Variants in INVS observed in about 807,000 individuals in gnomAD.
The protein encoded by INVS is inversin, also known as inversion of embryo turning homolog.
Under a neutral mutation model 108.8 loss-of-function variants are expected in INVS, and 86 were observed. The observed-to-expected ratio is 0.79, with a 90% CI of 0.66 to 0.95. The LOEUF is 0.95. Among genes scored for constraint, INVS ranks in the 40% least tolerant of loss-of-function variants. The pLI, the probability that INVS is intolerant of heterozygous loss-of-function variation, is 0.00. For missense variants in INVS, 1,169 were observed against 1,297.4 expected (o/e 0.90, Z 1.52); for synonymous variants, 455 against 473.5 (o/e 0.96, Z 0.51).
chr9:100,130,346 G>T (rs546741570), intron 3 of INVS: 2 of 152,124 alleles, frequency 1.3e-5, no homozygotes, highest in East Asian at 3.9e-4. Flanking sequence ...TATTTTAGGG[G>T]GACTAATATG....
chr9:100,207,752 G>T (rs1328556764), intron 3 of INVS, among the ~76,000 whole-genome samples: 1 of 152,116 alleles, frequency 6.6e-6, no homozygotes, highest in African/African-American at 2.4e-5. Context: ...TAGGCTTAGG[G>T]TAATAAAATT....
chr9:100,195,885 G>T (rs1176102840), intron 3 of INVS, among the ~76,000 whole-genome samples: 3 of 152,158 alleles, frequency 2.0e-5, no homozygotes, highest in African/African-American at 7.2e-5. Flanking sequence ...ATACATTAAG[G>T]ATTTTTGCAA....
chr9:100,106,306 T>C (rs1827178676), intron 2 of INVS, among the ~76,000 whole-genome samples: 1 of 152,206 alleles, frequency 6.6e-6, no homozygotes, highest in Admixed American at 6.5e-5. Context: ...CCTCCTGTCT[T>C]CTCAGGGACA....
chr9:100,161,603 G>A (rs992076070), intron 3 of INVS, among the ~76,000 whole-genome samples: 11 of 152,032 alleles, frequency 7.2e-5, no homozygotes, highest in Non-Finnish European at 1.3e-4. Context: ...ATGCTGTTGA[G>A]TGGCTGGCCA....
At chr9:100,293,100 T>C in intron 14 of INVS, 57 bp downstream of exon 14, 2 of 1,489,482 alleles carry the variant, frequency 1.3e-6, no homozygotes, top group East Asian at 2.3e-5. Context: ...ATTCTCAACA[T>C]GACATCTGTG....
intron 5 of INVS, among the ~76,000 whole-genome samples, chr9:100,231,934 C>T (rs1428671326): frequency 6.6e-6 from 1 of 152,220 alleles, no homozygotes; most frequent in Non-Finnish European, 1.5e-5. Context: ...ACCGCACTGT[C>T]TTCCACAATG....
Position 100,274,427 on chromosome 9 carries a change from G to A in INVS, c.1784+1351G>A, listed in dbSNP as rs146116421. Among the ~76,000 whole-genome samples, 532 of 152,300 alleles carry A rather than the reference G, an allele frequency of 3.5e-3. 8 individuals are homozygous for A. The highest frequency in any genetic ancestry group is 5.6e-3 in the East Asian group (29 of 5,182). On this transcript the variant is annotated intron_variant, in intron 12 of 16. Transcript: ENST00000262457. ...GCCTTTTCTTTGATAGATATGTTGG[G>A]TAGAAGTATTTCAAATAGCAGCAGT...
At chr9:100,283,244 C>T (rs529170071) in intron 12 of INVS, among the ~76,000 whole-genome samples, 7 of 152,202 alleles carry the variant, frequency 4.6e-5, no homozygotes, top group South Asian at 4.2e-4. Flanking sequence ...TTCAAGGCTG[C>T]GGTGAGCTAA....
chr9:100,161,203 C>CT (rs552520007), intron 3 of INVS, among the ~76,000 whole-genome samples: 94 of 151,116 alleles, frequency 6.2e-4, no homozygotes, highest in Admixed American at 1.5e-3. Flanking sequence ...TGGTGAAACT[C>CT]TATCTGTACC....
rs11415703 is a variant in INVS at position 100,267,019 on chromosome 9, T to TAAAAAAAAA, written c.1571+2107_1571+2115dup. On this transcript the variant is annotated intron_variant, in intron 11 of 16. Coordinates refer to ENST00000262457, the MANE Select transcript of INVS (RefSeq NM_014425.5). Reference sequence around the variant, plus strand: ...CTGAAGATGTCTCCCTTTGAAACTCTAAAAAAAAAAAAAAAAAAAAAAAAG... The same window carrying TAAAAAAAAA: ...CTGAAGATGTCTCCCTTTGAAACTCTAAAAAAAAAAAAAAAAAAAAAAAAAAAAAAAAAG... Among the ~76,000 whole-genome samples, 6 of 93,126 alleles carry TAAAAAAAAA rather than the reference T, an allele frequency of 6.4e-5. 1 individual carries two copies. Among genetic ancestry groups the TAAAAAAAAA allele is most frequent in the Admixed American group, 1.3e-4 (1 of 7,548 alleles). 61.1% of individuals were successfully genotyped at this position (93,126 alleles called of 152,430 possible).
chr9:100,232,268 T>G (rs1382659457), intron 5 of INVS, among the ~76,000 whole-genome samples: 1 of 152,144 alleles, frequency 6.6e-6, no homozygotes, highest in East Asian at 1.9e-4. Flanking sequence ...GTCAGATGGA[T>G]AGATTGCAAA....
rs145093012 is a variant in INVS at position 100,179,230 on chromosome 9, C to T, written c.274-46832C>T. On this transcript the variant is annotated intron_variant, in intron 3 of 16. Coordinates refer to ENST00000262457, the MANE Select transcript of INVS (RefSeq NM_014425.5). ...CGACACTGTGAAGAAACTGCATCAA[C>T]GAATAGGCAAAATAACCAGGTAGCA... is the stretch of plus-strand genomic sequence containing the variant. Among the ~76,000 whole-genome samples the T allele has an allele frequency of 2.2e-3, 331 of 152,194 alleles. 1 individual carries two copies. Among genetic ancestry groups the T allele is most frequent in the African/African-American group, 7.6e-3 (314 of 41,522 alleles).
chr9:100,249,969 G>A (rs1832174919), intron 8 of INVS, among the ~76,000 whole-genome samples: 1 of 151,852 alleles, frequency 6.6e-6, no homozygotes, highest in African/African-American at 2.4e-5. Flanking sequence ...GCTGGGTGTG[G>A]TGGTACACGC....
intron 11 of INVS, among the ~76,000 whole-genome samples, chr9:100,267,854 A>G (rs1832839453): frequency 6.6e-6 from 1 of 152,226 alleles, no homozygotes; most frequent in Non-Finnish European, 1.5e-5. Flanking sequence ...GAATAAACCA[A>G]TTACAAAAAT....
At chr9:100,157,607 T>C (rs1829041184) in intron 3 of INVS, among the ~76,000 whole-genome samples, 1 of 152,138 alleles carries the variant, frequency 6.6e-6, no homozygotes, top group Non-Finnish European at 1.5e-5. Context: ...ATGAGAAAAC[T>C]CATAGTTTAA....
intron 10 of INVS, among the ~76,000 whole-genome samples, chr9:100,257,238 CT>C (rs542559486): frequency 6.6e-6 from 1 of 151,994 alleles, no homozygotes; most frequent in African/African-American, 2.4e-5. Context: ...CAACCCCTGC[CT>C]TTTTTTGTTT....
Position 100,293,030 on chromosome 9 carries a change from C to T in INVS, c.2773C>T (p.Arg925Cys), listed in dbSNP as rs1420616086. The change falls in exon 14 of 17, where the codon CGC becomes TGC. Residue 925 changes from arginine to cysteine, a missense_variant. Around this residue, in one of 3 missense-constraint regions of INVS, gnomAD observed 533 missense variants for 536.0 expected, o/e 0.99. Coordinates refer to ENST00000262457, the MANE Select transcript of INVS (RefSeq NM_014425.5). ...KKNKAAAVIQ[R>C]AWRSYQLRKH... Reference sequence around the variant, plus strand: ...GAACAAGGCAGCAGCAGTCATCCAGCGCGCCTGGCGAAGGTAGGAAAATGG... The same window carrying T: ...GAACAAGGCAGCAGCAGTCATCCAGTGCGCCTGGCGAAGGTAGGAAAATGG... 1.6e-5 allele frequency: 26 copies of T among 1,613,678 alleles called. No homozygotes were observed. Among genetic ancestry groups the T allele is most frequent in the South Asian group, 2.2e-5 (2 of 91,050 alleles).
Position 100,226,128 on chromosome 9 carries a change from G to A in INVS, c.340G>A (p.Glu114Lys), listed in dbSNP as rs1349974793. 1.2e-6 allele frequency: 2 copies of A among 1,613,870 alleles called. No individual in the cohort carries two copies. Among genetic ancestry groups the A allele is most frequent in the Admixed American group, 1.7e-5 (1 of 59,996 alleles). The change falls in exon 4 of 17, where the codon GAG (glutamate) becomes AAG (lysine). Residue 114 changes from glutamate (E) to lysine (K), a missense_variant. Coordinates refer to ENST00000262457, the MANE Select transcript of INVS (RefSeq NM_014425.5). ...AAACTGGATGCAAAAGGATCTGGAA[G>A]AGATGACTCCTTTGCACTTGACCAC... ...RANWMQKDLE[E>K]MTPLHLTTRH...
chr9:100,265,262 A>T (rs12351690), intron 11 of INVS, among the ~76,000 whole-genome samples: 147 of 152,068 alleles, frequency 9.7e-4, no homozygotes, highest in African/African-American at 2.9e-3. Flanking sequence ...ACTTTTTTTT[A>T]AAAAAAGTGC....
Sources: allele counts gnomAD v4.1 joint callset (sites outside exome capture counted in the v4.1 genomes callset), GRCh38; gene constraint gnomAD v4.1.1; regional missense constraint gnomAD v4.1.1; transcripts MANE v1.5; gene names NCBI Gene and HGNC (gene_info 2026-07-23, HGNC 2026-07-21).